The following BORCS8 variants were observed in gnomAD, a reference collection of about 807,000 sequenced individuals.
BORCS8 encodes BLOC-1 related complex subunit 8.
A neutral mutation model predicts 18.7 loss-of-function variants in BORCS8; 13 were observed. The ratio of observed to expected loss-of-function variants is 0.70; its 90% CI spans 0.45 to 1.11. BORCS8 has a LOEUF of 1.11. Ranked by LOEUF, BORCS8 falls within the 50% of genes least tolerant of loss-of-function variation. The pLI, the probability that BORCS8 is intolerant of heterozygous loss-of-function variation, is 0.00. For synonymous variants in BORCS8, 68 were observed against 64.8 expected (o/e 1.05, Z -0.24); for missense variants, 165 against 165.7 (o/e 1.00, Z 0.02).
At chr19:19,178,657 AG>A (rs1247165981) in intron 5 of BORCS8, 4 of 152,336 alleles carry the variant, frequency 2.6e-5, no homozygotes, top group African/African-American at 9.6e-5. Flanking sequence ...TTGGGGGAAA[AG>A]TGGGAATGAA....
chr19:19,187,476 CA>C (rs35314944), intron 1 of BORCS8, among the ~76,000 whole-genome samples: 145 of 122,316 alleles, frequency 1.2e-3, no homozygotes, highest in Admixed American at 1.8e-3. Flanking sequence ...AACTCCATCT[CA>C]AAAAAAAAAA....
In BORCS8 at chr19:19,182,701, G is replaced by A; in HGVS notation, c.216-18C>T. The A allele has an allele frequency of 6.5e-7, 1 of 1,546,842 alleles. No individual in the cohort carries two copies. The highest frequency in any genetic ancestry group is 8.7e-7 in the Non-Finnish European group (1 of 1,145,476). On this transcript the variant is annotated intron_variant, in intron 3 of 5. Transcript: ENST00000462790. This position sits in a 1 kb window ranked among gnomAD's most constrained non-coding sequence, Gnocchi z 4.1. ...TCACGGCGCTGAAACGGGAGGACAG[G>A]CCTGGTCAGCGCTCCGGACCTGCAG...
At chr19:19,177,710 A>AGGAAGGAAGGAAGG (rs1568562121) in intron 5 of BORCS8, 1 of 92,588 alleles carries the variant, frequency 1.1e-5, no homozygotes, top group Non-Finnish European at 2.2e-5. Context: ...AAAGAAAAGA[A>AGGAAGGAAGGAAGG]AAGAAAAGAA....
intron 1 of BORCS8, among the ~76,000 whole-genome samples, chr19:19,191,411 G>A (rs957641362): frequency 6.6e-6 from 1 of 150,966 alleles, no homozygotes; most frequent in South Asian, 2.1e-4. Context: ...AGGATCGCCC[G>A]CGCCAGAGAG....
At chr19:19,179,749 C>A (rs188832838) in intron 5 of BORCS8, 35 of 152,976 alleles carry the variant, frequency 2.3e-4, no homozygotes, top group Non-Finnish European at 1.6e-4. Flanking sequence ...CCACACCTCC[C>A]ACAGCTCACG....
Position 19,186,905 on chromosome 19 carries a change from C to T in BORCS8, c.138G>A (p.Leu46=), listed in dbSNP as rs1233225234. 2 of 1,548,690 alleles carry T rather than the reference C, an allele frequency of 1.3e-6. No individual in the cohort carries two copies. The highest frequency in any genetic ancestry group is 2.4e-5 in the South Asian group (2 of 83,884). ...GGCCCCAGCTCACCTTGTGCTGGGC[C>T]AGCTCGGGGAGGGAGCGACGCACAT... ...QEHVRRSLPE[L]AQHKADMQRW... The change falls in exon 2 of 6, where the codon CTG becomes CTA. Residue 46 remains leucine, a synonymous_variant. Coordinates refer to ENST00000462790, the MANE Select transcript of BORCS8 (RefSeq NM_001145784.2).
intron 5 of BORCS8, chr19:19,177,875 C>CT (rs536726585): frequency 0.068 from 10,089 of 147,708 alleles, 415 homozygotes; most frequent in Middle Eastern, 0.11. Context: ...TGACTGTGCC[C>CT]TTTTTTTTTT....
intron 5 of BORCS8, 77 bp downstream of exon 5, chr19:19,180,609 G>T: frequency 9.9e-7 from 1 of 1,011,114 alleles, no homozygotes; most frequent in Non-Finnish European, 1.5e-6. Context: ...ACAAGCAGGT[G>T]CCTGCCTGGC....
Position 19,186,967 on chromosome 19 carries a change from T to G in BORCS8, c.76A>C (p.Asn26His). ...CGGTACAGGGCCACGGATGGCTCGT[T>G]GGCCAGGACGTAGACGCTCTCAGTG... Reference protein sequence around the residue: ...KFTESVYVLANEPSVALYRLQ... With the variant: ...KFTESVYVLAHEPSVALYRLQ... Residue 26 changes from asparagine to histidine, a missense_variant, in exon 2 of 6, where the codon AAC becomes CAC. Transcript: ENST00000462790. 6.4e-7 allele frequency: 1 copy of G among 1,551,366 alleles called. No individual in the cohort carries two copies. The highest frequency in any genetic ancestry group is 8.7e-7 in the Non-Finnish European group (1 of 1,146,902).
At chr19:19,178,568 A>C (rs1449647400) in intron 5 of BORCS8, 2 of 152,346 alleles carry the variant, frequency 1.3e-5, no homozygotes, top group Non-Finnish European at 2.9e-5. Context: ...AAAACAGGGC[A>C]GTGCTTAAGG....
In BORCS8 at chr19:19,177,698, GAAAAGAAAAGAAAAGAAAAGA is replaced by G. The variant is rs2060311481; in HGVS notation, c.*43-259_*43-239del. ...GAAGGAAGGAAGGAAGGAAGGAAGA[GAAAAGAAAAGAAAAGAAAAGA>G]AAAGAAAAGAAAAGAAAAGAAAAGA... On this transcript the variant is annotated intron_variant, in intron 5 of 5. Transcript: ENST00000462790. The G allele has an allele frequency of 1.1e-3, 45 of 39,266 alleles. 1 individual carries two copies. The highest frequency in any genetic ancestry group is 4.2e-3 in the African/African-American group (31 of 7,412). The allele number at this position is 39,266 out of a possible 1,614,324, so 2.4% of individuals were successfully genotyped here. A position where few individuals can be genotyped will look rare whatever the true frequency, so the allele number is the denominator to read the frequency against.
intron 1 of BORCS8, among the ~76,000 whole-genome samples, chr19:19,191,551 T>TC (rs1386365867): frequency 2.0e-5 from 3 of 150,144 alleles, no homozygotes; most frequent in Non-Finnish European, 4.4e-5. Flanking sequence ...CGGGGATTCT[T>TC]CCAATGCATT....
chr19:19,182,298 T>G lies in BORCS8; in HGVS notation c.326+275A>C. The stretch of plus-strand genomic sequence containing the variant: ...GCTCTTGTCTGCCATGTTTACCTGG[T>G]TGTCGTATGTCTCCTTGTGAGCCTG... On this transcript the variant is annotated intron_variant, in intron 4 of 5. Coordinates refer to ENST00000462790, the MANE Select transcript of BORCS8 (RefSeq NM_001145784.2). The surrounding 1 kb of genome is among the most constrained non-coding windows in gnomAD (Gnocchi z 4.1). 1.4e-6 allele frequency: 1 copy of G among 721,284 alleles called. No homozygotes were observed. The highest frequency in any genetic ancestry group is 3.3e-5 in the South Asian group (1 of 29,962). The allele number at this position is 721,284 out of a possible 1,614,324, so 44.7% of individuals were successfully genotyped here.
At chr19:19,191,491 CAAAA>C (rs34145724) in intron 1 of BORCS8, among the ~76,000 whole-genome samples, 11 of 85,980 alleles carry the variant, frequency 1.3e-4, no homozygotes, top group Admixed American at 4.6e-4. Context: ...TACCTTGTCT[CAAAA>C]AAAAAAAAAA....
rs1446082365 is a variant in BORCS8, at chr19:19,185,734, CT to C, written c.215+299del. On this transcript the variant is annotated intron_variant, in intron 3 of 5. Coordinates refer to ENST00000462790, the MANE Select transcript of BORCS8 (RefSeq NM_001145784.2). ...CCATATCTGTGCTTTGGGCTTCCCCCTGGCTGCCATCCACCCCACTGGCCCA... is the reference window on the plus strand; with the variant it reads ...CCATATCTGTGCTTTGGGCTTCCCCCGGCTGCCATCCACCCCACTGGCCCA... Among the ~76,000 whole-genome samples, 13 of 152,358 alleles carry C rather than the reference CT, an allele frequency of 8.5e-5. No homozygotes were observed. In the East Asian group the frequency reaches 1.3e-3, roughly 16 times the overall value.
intron 1 of BORCS8, among the ~76,000 whole-genome samples, chr19:19,188,251 G>A (rs554660443): frequency 6.6e-5 from 10 of 151,632 alleles, no homozygotes; most frequent in South Asian, 4.2e-4. Flanking sequence ...GGATGGTCTC[G>A]ATCTCCTGAC....
Position 19,182,459 on chromosome 19 carries a change from A to G in BORCS8, c.326+114T>C. ...CAAGAGGAGGTCACCAGACACCAGGACAAAAGGAAAGAGACAGTTTTCTAA... is the reference window on the plus strand; with the variant it reads ...CAAGAGGAGGTCACCAGACACCAGGGCAAAAGGAAAGAGACAGTTTTCTAA... On this transcript the variant is annotated intron_variant, in intron 4 of 5. Coordinates refer to ENST00000462790, the MANE Select transcript of BORCS8 (RefSeq NM_001145784.2). The surrounding 1 kb of genome is among the most constrained non-coding windows in gnomAD (Gnocchi z 4.1). The G allele has an allele frequency of 6.9e-7, 1 of 1,456,570 alleles. No individual in the cohort carries two copies. The highest frequency in any genetic ancestry group is 9.0e-7 in the Non-Finnish European group (1 of 1,105,548). The allele number at this position is 1,456,570 out of a possible 1,614,324, so 90.2% of individuals were successfully genotyped here.
Position 19,182,466 on chromosome 19 carries a change from G to A in BORCS8, c.326+107C>T. On this transcript the variant is annotated intron_variant, in intron 4 of 5. Coordinates refer to ENST00000462790, the MANE Select transcript of BORCS8 (RefSeq NM_001145784.2). The surrounding 1 kb of genome is among the most constrained non-coding windows in gnomAD (Gnocchi z 4.1). ...AGGTCACCAGACACCAGGACAAAAG[G>A]AAAGAGACAGTTTTCTAATAAGCGA... The A allele has an allele frequency of 8.2e-6, 12 of 1,463,978 alleles. No individual in the cohort carries two copies. The highest frequency in any genetic ancestry group is 1.1e-5 in the Non-Finnish European group (12 of 1,109,082). 90.7% of individuals were successfully genotyped at this position (1,463,978 alleles called of 1,614,324 possible).
rs150815224 is a variant in BORCS8 at position 19,191,237 on chromosome 19, C to T, written c.37+844G>A. On this transcript the variant is annotated intron_variant, in intron 1 of 5. Transcript: ENST00000462790. ...GGGCATGGGGGTGTGTGCCTGTAAT[C>T]CTAGCTACTCAGGGGGCTGAGGTTG... Among the ~76,000 whole-genome samples, 142 of 152,012 alleles carry T rather than the reference C, an allele frequency of 9.3e-4. 1 individual carries two copies. The East Asian group carries it at 0.023, about 25-fold the overall frequency.
Sources: allele counts gnomAD v4.1 joint callset (sites outside exome capture counted in the v4.1 genomes callset), GRCh38; gene constraint gnomAD v4.1.1; non-coding constraint Gnocchi (gnomAD v3.1); transcripts MANE v1.5; gene names NCBI Gene and HGNC (gene_info 2026-07-23, HGNC 2026-07-21).